The following ERICH1 variants were observed in gnomAD, a reference collection of about 807,000 sequenced individuals.
ERICH1 encodes glutamate rich 1, also known as glutamate-rich protein 1.
ERICH1 carries 56 observed loss-of-function variants against 39.6 expected under a neutral mutation model. The observed-to-expected ratio is 1.41, with a 90% CI of 1.14 to 1.77. ERICH1 has a LOEUF of 1.77. Ranked by LOEUF, ERICH1 falls within the 40% of genes most tolerant of loss-of-function variation. The pLI is 0.00. For synonymous variants in ERICH1, 313 were observed against 223.6 expected (o/e 1.40, Z -3.57); for missense variants, 826 against 575.4 (o/e 1.44, Z -4.45).
At chr8:636,834 C>G (rs1324740882) in intron 3 of ERICH1, among the ~76,000 whole-genome samples, 1 of 152,238 alleles carries the variant, frequency 6.6e-6, no homozygotes, top group East Asian at 1.9e-4. Flanking sequence ...CCAGAATCCT[C>G]CATGACTTCC....
At chr8:642,325 C>T (rs1175917649) in intron 3 of ERICH1, among the ~76,000 whole-genome samples, 8 of 143,436 alleles carry the variant, frequency 5.6e-5, no homozygotes, top group Non-Finnish European at 1.2e-4. Context: ...AAAAGAATAT[C>T]ATGGTCTGGA....
chr8:694,940 G>C (rs1585382906), intron 2 of ERICH1, among the ~76,000 whole-genome samples: 2 of 152,120 alleles, frequency 1.3e-5, no homozygotes, highest in Non-Finnish European at 2.9e-5. Flanking sequence ...GCATCTAAGA[G>C]TCAGGGTCAG....
intron 3 of ERICH1, among the ~76,000 whole-genome samples, chr8:685,939 G>A (rs535166804): frequency 1.3e-5 from 2 of 148,348 alleles, no homozygotes; most frequent in African/African-American, 5.1e-5. Flanking sequence ...GACCCCAGCG[G>A]TTCGAGACCA....
In ERICH1 at chr8:701,001, G is replaced by A. The variant is rs557303026; in HGVS notation, c.170-8389C>T. On this transcript the variant is annotated intron_variant, in intron 2 of 5. Transcript: ENST00000262109. ...GAAGTGCAGGTGCCAACCACGCTGC[G>A]TGCAGCATCACGGACAATGTGAATT... 5.6e-4 allele frequency among the ~76,000 whole-genome samples: 86 copies of A among 152,392 alleles called. 1 individual carries two copies. The highest frequency in any genetic ancestry group is 3.1e-4 in the Non-Finnish European group (21 of 68,048).
chr8:659,879 A>G (rs12675313), downstream of ERICH1, among the ~76,000 whole-genome samples: 843 of 13,964 alleles, frequency 0.06, 131 homozygotes, highest in Non-Finnish European at 0.081. Context: ...TGTGCACTGA[A>G]TATCCTGGGG....
At chr8:674,139 GTT>G in intron 3 of ERICH1, 92 bp from the exon 4 acceptor site, 2 of 1,396,586 alleles carry the variant, frequency 1.4e-6, no homozygotes, top group Non-Finnish European at 1.9e-6. Flanking sequence ...GGATCTTGTA[GTT>G]TTAGTAGAAA....
downstream of ERICH1, among the ~76,000 whole-genome samples, chr8:660,663 T>C (rs764150881): frequency 8.5e-5 from 13 of 152,238 alleles, no homozygotes; most frequent in Non-Finnish European, 1.5e-4. Flanking sequence ...AATTAATTTT[T>C]TTTACAATAA....
At chr8:630,992 C>T (rs1797999824) in intron 3 of ERICH1, among the ~76,000 whole-genome samples, 1 of 151,638 alleles carries the variant, frequency 6.6e-6, no homozygotes, top group African/African-American at 2.4e-5. Context: ...CTCACAACCT[C>T]CTATGAGCAA....
chr8:664,730 C>G, intron 5 of ERICH1, 54 bp from the exon 6 acceptor site: 1 of 1,460,780 alleles, frequency 6.8e-7, no homozygotes, highest in Non-Finnish European at 9.4e-7. Context: ...AAAGAAAAAT[C>G]ATAAGTTATT....
At chr8:674,213 C>T (rs566690809) in intron 3 of ERICH1, among the ~76,000 whole-genome samples, 166 bp from the exon 4 acceptor site, 11 of 150,978 alleles carry the variant, frequency 7.3e-5, no homozygotes, top group South Asian at 6.3e-4. Context: ...CTAGGACTAA[C>T]GTAATATAAA....
At chr8:720,063 C>T (rs759952357) in intron 1 of ERICH1, among the ~76,000 whole-genome samples, 1 of 152,220 alleles carries the variant, frequency 6.6e-6, no homozygotes, top group Non-Finnish European at 1.5e-5. Flanking sequence ...CGGCCCTAGA[C>T]GTGCACCTTG....
At chr8:664,986 C>T (rs374763534) in intron 5 of ERICH1, among the ~76,000 whole-genome samples, 4 of 152,186 alleles carry the variant, frequency 2.6e-5, no homozygotes, top group African/African-American at 9.7e-5. Flanking sequence ...ATAGGCTTAA[C>T]ATCAGACCTG....
chr8:668,354 T>A lies in ERICH1; in HGVS notation c.1258+244A>T, dbSNP rs533493784. ...CTTAGGAAAATTTGGCTCCAAGAGT[T>A]GACAGCTCCCAAGTCCGGAAACTTA... On this transcript the variant is annotated intron_variant, in intron 5 of 5. Coordinates refer to ENST00000262109, the MANE Select transcript of ERICH1 (RefSeq NM_207332.3). 3 of 549,540 alleles carry A rather than the reference T, an allele frequency of 5.5e-6. No individual in the cohort carries two copies. In the South Asian group the frequency reaches 6.8e-5, roughly 12 times the overall value. The allele number at this position is 549,540 out of a possible 1,614,324, so 34.0% of individuals were successfully genotyped here.
chr8:627,086 G>T (rs543611909), intron 3 of ERICH1: 1 of 455,818 alleles, frequency 2.2e-6, no homozygotes, highest in African/African-American at 2.0e-5. Context: ...GCAGGACGGG[G>T]ATGGACGTAT....
At chr8:659,922 C>G (rs1669680), downstream of ERICH1, among the ~76,000 whole-genome samples, 2,216 of 151,884 alleles carry the variant, frequency 0.015, 62 homozygotes, top group African/African-American at 0.048. Context: ...CACTGGCAGG[C>G]TGCTCCCTGT....
At chr8:656,202 T>C (rs974742250) in intron 3 of ERICH1, among the ~76,000 whole-genome samples, 3 of 152,044 alleles carry the variant, frequency 2.0e-5, no homozygotes, top group African/African-American at 7.2e-5. Context: ...CTCCCCCGGT[T>C]CCTTCTTTTT....
intron 3 of ERICH1, among the ~76,000 whole-genome samples, chr8:654,157 T>C (rs1309331143): frequency 1.3e-5 from 2 of 152,358 alleles, no homozygotes; most frequent in African/African-American, 2.4e-5. Context: ...TTTTAAAGTA[T>C]AGTAGACTTT....
chr8:640,330 G>A (rs906461327), intron 3 of ERICH1, among the ~76,000 whole-genome samples: 2 of 152,300 alleles, frequency 1.3e-5, no homozygotes, highest in Admixed American at 1.3e-4. Context: ...GCCCCAGGTG[G>A]CAGGGCGAGC....
chr8:624,023 AAAAT>A (rs1797447998), intron 3 of ERICH1, among the ~76,000 whole-genome samples: 1 of 152,262 alleles, frequency 6.6e-6, no homozygotes, highest in African/African-American at 2.4e-5. Flanking sequence ...ACTAATATCC[AAAAT>A]AAATAAATAA....
Sources: gnomAD v4.1 joint callset for allele counts (sites outside exome capture counted in the v4.1 genomes callset) on GRCh38, gnomAD v4.1.1 for gene constraint, MANE v1.5 for transcripts, NCBI Gene and HGNC (gene_info 2026-07-23, HGNC 2026-07-21) for gene names.